Variants in ZFYVE26 observed in about 807,000 individuals in gnomAD.
ZFYVE26 encodes the protein zinc finger FYVE-type containing 26.
Under a neutral mutation model 276.5 loss-of-function variants are expected in ZFYVE26, and 181 were observed. That is an observed-to-expected ratio of 0.65 (90% CI 0.58 to 0.74). The LOEUF is 0.74. Ranked by LOEUF, ZFYVE26 falls within the 30% of genes least tolerant of loss-of-function variation. ZFYVE26 has a pLI of 0.00. For missense variants in ZFYVE26, 2,821 were observed against 3,097.9 expected (o/e 0.91, Z 2.12); for synonymous variants, 1,129 against 1,203.1 (o/e 0.94, Z 1.27).
intron 23 of ZFYVE26, among the ~76,000 whole-genome samples, chr14:67,779,444 C>T (rs1289298094): frequency 6.6e-6 from 1 of 152,090 alleles, no homozygotes; most frequent in Non-Finnish European, 1.5e-5. Flanking sequence ...TGCCTGTAAT[C>T]CAAGCTACTT....
Position 67,772,645 on chromosome 14 carries a change from G to A in ZFYVE26, c.5321-435C>T, listed in dbSNP as rs116590720. On this transcript the variant is annotated intron_variant, in intron 27 of 41. Coordinates refer to ENST00000347230, the MANE Select transcript of ZFYVE26 (RefSeq NM_015346.4). ...GGCAGGGAACCTATTGATTAAAGGC[G>A]CTTTAAGAGGCTGGTGCAGTGGCTC... 6.5e-3 allele frequency among the ~76,000 whole-genome samples: 996 copies of A among 152,300 alleles called. 9 individuals carry two copies. Among genetic ancestry groups the A allele is most frequent in the Middle Eastern group, 0.024 (7 of 294 alleles).
intron 13 of ZFYVE26, among the ~76,000 whole-genome samples, chr14:67,734,730 C>T (rs1233105775): frequency 6.6e-6 from 1 of 152,170 alleles, no homozygotes; most frequent in Non-Finnish European, 1.5e-5. Flanking sequence ...ATTTTACTCC[C>T]CCATGGCCTA....
rs1555400391 is a variant in ZFYVE26, at chr14:67,807,855, C to G, written c.429G>C (p.Glu143Asp). Residue 143 changes from glutamate to aspartate, a missense_variant, in exon 5 of 42, where the codon GAG (glutamate) becomes GAC (aspartate). Coordinates refer to ENST00000347230, the MANE Select transcript of ZFYVE26 (RefSeq NM_015346.4). ...CGGAGCTGAGACGAGGAGTCCAGCT[C>G]TCCCTCCTTGGATTTCCGTCAGGCA... is the stretch of plus-strand genomic sequence containing the variant. ...GHVPDGNPRR[E>D]SWTPRLSSEA... 1 of 1,613,854 alleles carries G rather than the reference C, an allele frequency of 6.2e-7. No homozygotes were observed. The highest frequency in any genetic ancestry group is 8.5e-7 in the Non-Finnish European group (1 of 1,179,908).
At chr14:67,810,617 C>T (rs1253167390) in intron 3 of ZFYVE26, among the ~76,000 whole-genome samples, 1 of 152,078 alleles carries the variant, frequency 6.6e-6, no homozygotes, top group African/African-American at 2.4e-5. Flanking sequence ...TCAGAGAGGT[C>T]TAATATATAG....
chr14:67,770,618 T>C (rs1328873022), intron 28 of ZFYVE26: 2 of 152,218 alleles, frequency 1.3e-5, no homozygotes, highest in Admixed American at 6.5e-5. Flanking sequence ...CTGATGTGTG[T>C]AATATAGTAA....
intron 3 of ZFYVE26, 110 bp from the exon 4 acceptor site, chr14:67,809,399 T>A (rs996795768): frequency 1.4e-6 from 1 of 694,608 alleles, no homozygotes; most frequent in Admixed American, 3.0e-5. Flanking sequence ...TTCTCTAAGA[T>A]GAAGCACTCT....
At chr14:67,813,951 G>A (rs764473226) in intron 3 of ZFYVE26, 35 bp downstream of exon 3, 1 of 1,487,360 alleles carries the variant, frequency 6.7e-7, no homozygotes, top group East Asian at 2.3e-5. Flanking sequence ...TCTCAGTCCT[G>A]GCCTCGGAGG....
At chr14:67,732,020 AGGAG>A (rs1427357327) in intron 13 of ZFYVE26, among the ~76,000 whole-genome samples, 2 of 151,236 alleles carry the variant, frequency 1.3e-5, no homozygotes, top group Non-Finnish European at 2.9e-5. Flanking sequence ...CCAGCCACTC[AGGAG>A]GCTGAGGCAG....
intron 13 of ZFYVE26, among the ~76,000 whole-genome samples, chr14:67,741,010 T>C (rs1172077284): frequency 3.3e-5 from 5 of 152,132 alleles, no homozygotes; most frequent in Admixed American, 3.3e-4. Context: ...AGGACAAGAA[T>C]ATAGACCCTC....
chr14:67,741,350 CT>C (rs1419976402), intron 13 of ZFYVE26, among the ~76,000 whole-genome samples: 1 of 152,146 alleles, frequency 6.6e-6, no homozygotes, highest in Non-Finnish European at 1.5e-5. Flanking sequence ...AAATATAAGG[CT>C]TTTAAAGTGG....
At chr14:67,762,875 G>A in intron 32 of ZFYVE26, 56 bp from the exon 33 acceptor site, 3 of 1,605,508 alleles carry the variant, frequency 1.9e-6, no homozygotes, top group Non-Finnish European at 1.7e-6. Flanking sequence ...ACTAAGAGTA[G>A]CCGCTTAAAG....
intron 8 of ZFYVE26, 22 bp downstream of exon 8, chr14:67,805,195 C>T (rs185597681): frequency 4.5e-5 from 72 of 1,610,216 alleles, no homozygotes; most frequent in South Asian, 8.8e-5. Context: ...GGTGGGCAGG[C>T]GCTGACTGCA....
chr14:67,735,485 G>A (rs1422981125), intron 13 of ZFYVE26: 13 of 572,862 alleles, frequency 2.3e-5, no homozygotes, highest in Non-Finnish European at 3.4e-5. Context: ...CCGAGACACC[G>A]TTCGACCTTC....
At chr14:67,736,132 A>G (rs1282152063) in intron 13 of ZFYVE26, among the ~76,000 whole-genome samples, 2 of 152,334 alleles carry the variant, frequency 1.3e-5, no homozygotes. Flanking sequence ...ATGGGCAGAG[A>G]TGTATCTTAG....
chr14:67,813,939 C>A, intron 3 of ZFYVE26, 47 bp downstream of exon 3: 1 of 1,351,112 alleles, frequency 7.4e-7, no homozygotes, highest in East Asian at 2.3e-5. Flanking sequence ...CTTTCAAGTT[C>A]TTCTCAGTCC....
At chr14:67,798,918 G>C (rs1416593705) in intron 10 of ZFYVE26, 1 of 1,021,958 alleles carries the variant, frequency 9.8e-7, no homozygotes, top group Non-Finnish European at 1.5e-6. Flanking sequence ...AGGGCGCTGA[G>C]CTCCGCTTGG....
chr14:67,807,489 G>A lies in ZFYVE26; in HGVS notation c.795C>T (p.His265=), dbSNP rs757869407. Residue 265 remains histidine (H), a synonymous_variant, in exon 5 of 42, where the codon CAC becomes CAT. Coordinates refer to ENST00000347230, the MANE Select transcript of ZFYVE26 (RefSeq NM_015346.4). ...REERLLSCLL[H]KASRGLLSLY... ...GGGACAGCAGGCCCCGGCTGGCCTT[G>A]TGCAGCAGGCAGCTGAGCAGCCGCT... 8 of 1,614,162 alleles carry A rather than the reference G, an allele frequency of 5.0e-6. No homozygotes were observed. The Admixed American group carries it at 5.0e-5, about 10-fold the overall frequency.
At chr14:67,736,468 A>G (rs918533479) in intron 13 of ZFYVE26, among the ~76,000 whole-genome samples, 1 of 152,252 alleles carries the variant, frequency 6.6e-6, no homozygotes, top group Non-Finnish European at 1.5e-5. Context: ...ATAAAGTTAG[A>G]TTCTTTGCCT....
At chr14:67,751,351 C>T (rs557087526) in intron 40 of ZFYVE26, 1 of 553,278 alleles carries the variant, frequency 1.8e-6, no homozygotes. Flanking sequence ...GTTCACCCCT[C>T]CTTAGGCAAC....
Sources: allele counts gnomAD v4.1 joint callset (sites outside exome capture counted in the v4.1 genomes callset), GRCh38; gene constraint gnomAD v4.1.1; transcripts MANE v1.5; gene names NCBI Gene and HGNC (gene_info 2026-07-23, HGNC 2026-07-21).